MMP26: variants seen among roughly 807,000 people sequenced by gnomAD.
The protein encoded by MMP26 is matrix metalloproteinase-26.
A neutral mutation model predicts 31.0 loss-of-function variants in MMP26; 33 were observed. The observed-to-expected ratio is 1.06, with a 90% CI of 0.81 to 1.42. The LOEUF (loss-of-function observed/expected upper bound fraction) is 1.42. MMP26 is among the 40% of genes most tolerant of loss of function. MMP26 has a pLI of 0.00. For synonymous variants in MMP26, 122 were observed against 114.9 expected (o/e 1.06, Z -0.40); for missense variants, 347 against 316.1 (o/e 1.10, Z -0.74).
intron 2 of MMP26, among the ~76,000 whole-genome samples, chr11:4,920,526 A>G (rs544319522): frequency 6.6e-6 from 1 of 152,234 alleles, no homozygotes; most frequent in Non-Finnish European, 1.5e-5. Flanking sequence ...ATACTCTGAC[A>G]TGAGGCCCCA....
Position 4,976,812 on chromosome 11 carries a change from T to C in MMP26, c.-144-11256T>C, listed in dbSNP as rs368143856. Among the ~76,000 whole-genome samples the C allele has an allele frequency of 1.4e-4, 21 of 152,166 alleles. No homozygotes were observed. In the East Asian group the frequency reaches 3.7e-3, roughly 27 times the overall value. On this transcript the variant is annotated intron_variant, in intron 2 of 7. Coordinates refer to ENST00000380390, the MANE Select transcript of MMP26 (RefSeq NM_021801.5). ...GAAGGTTAACATCCTATGAGACCTATTCTTCTTTATTCAACAGAATTGATT... is the reference window on the plus strand; with the variant it reads ...GAAGGTTAACATCCTATGAGACCTACTCTTCTTTATTCAACAGAATTGATT...
intron 2 of MMP26, chr11:4,907,592 C>T: frequency 6.2e-7 from 1 of 1,613,940 alleles, no homozygotes; most frequent in Non-Finnish European, 8.5e-7. Flanking sequence ...GGGCCTGTCC[C>T]TCTCCTCCCT....
chr11:4,716,430 G>A (rs952542199), intron 1 of MMP26, among the ~76,000 whole-genome samples: 1 of 152,110 alleles, frequency 6.6e-6, no homozygotes, highest in Non-Finnish European at 1.5e-5. Context: ...GAATCATGAG[G>A]GAGGGAAATG....
chr11:4,835,716 A>G (rs1186013826), intron 2 of MMP26, among the ~76,000 whole-genome samples: 1 of 152,168 alleles, frequency 6.6e-6, no homozygotes, highest in African/African-American at 2.4e-5. Flanking sequence ...ATACAGGACC[A>G]TTCAAAGGTG....
At chr11:4,882,298 C>T (rs768616687) in intron 2 of MMP26, 1 of 1,614,004 alleles carries the variant, frequency 6.2e-7, no homozygotes. Context: ...ACCCACTGAA[C>T]TATGCTACTA....
intron 2 of MMP26, among the ~76,000 whole-genome samples, chr11:4,849,714 C>T (rs999311095): frequency 1.3e-5 from 2 of 152,046 alleles, no homozygotes; most frequent in Non-Finnish European, 2.9e-5. Flanking sequence ...TTTTTCTAAG[C>T]TTGATTTATT....
At chr11:4,898,197 C>T (rs770691086) in intron 2 of MMP26, among the ~76,000 whole-genome samples, 1 of 151,820 alleles carries the variant, frequency 6.6e-6, no homozygotes, top group Non-Finnish European at 1.5e-5. Context: ...ATTTTGAATT[C>T]CAGGTTGACA....
chr11:4,867,449 G>C (rs1012734182), intron 2 of MMP26, among the ~76,000 whole-genome samples: 1 of 138,898 alleles, frequency 7.2e-6, no homozygotes, highest in African/African-American at 2.7e-5. Context: ...GGAGTGCAGT[G>C]ATGCAATCTG....
intron 2 of MMP26, among the ~76,000 whole-genome samples, chr11:4,927,931 G>T (rs1026921777): frequency 9.2e-5 from 14 of 151,994 alleles, no homozygotes; most frequent in African/African-American, 3.4e-4. Flanking sequence ...TGTGGGCAAG[G>T]GATACTAAAT....
intron 2 of MMP26, among the ~76,000 whole-genome samples, chr11:4,785,956 C>T (rs188387082): frequency 1.3e-4 from 20 of 152,314 alleles, no homozygotes; most frequent in African/African-American, 4.8e-4. Context: ...AAATCTTACT[C>T]AGATGACAAT....
At chr11:4,777,150 C>T (rs1237654661) in intron 2 of MMP26, among the ~76,000 whole-genome samples, 1 of 152,110 alleles carries the variant, frequency 6.6e-6, no homozygotes, top group Middle Eastern at 3.2e-3. Context: ...TCTCAGTTTC[C>T]TCAGACATGA....
At chr11:4,733,751 T>G (rs72868705) in intron 1 of MMP26, among the ~76,000 whole-genome samples, 1 of 152,328 alleles carries the variant, frequency 6.6e-6, no homozygotes, top group Non-Finnish European at 1.5e-5. Flanking sequence ...TCCTTGTCTT[T>G]TTCATTATAT....
At position 4,822,141 on chromosome 11, in the gene MMP26, C is replaced by G. The variant is rs1220332388; in HGVS notation, c.-145+54800C>G. 4 of 1,613,690 alleles carry G rather than the reference C, an allele frequency of 2.5e-6. No homozygotes were observed. The South Asian group carries it at 4.4e-5, about 18-fold the overall frequency. On this transcript the variant is annotated intron_variant, in intron 2 of 7. Transcript: ENST00000380390. Reference sequence around the variant, plus strand: ...CCTCAGAAGAGAGGCGGAAAGCCTTCAACACCTGCACATCCCACATCAGTG... The same window carrying G: ...CCTCAGAAGAGAGGCGGAAAGCCTTGAACACCTGCACATCCCACATCAGTG...
At chr11:4,930,672 A>C (rs1412897188) in intron 2 of MMP26, among the ~76,000 whole-genome samples, 2 of 152,108 alleles carry the variant, frequency 1.3e-5, no homozygotes, top group African/African-American at 4.8e-5. Context: ...ATTTAGATTT[A>C]ATATTTTTAG....
rs375053567 is a variant in MMP26, at chr11:4,989,749, C to A, written c.201C>A (p.Asp67Glu). Residue 67 changes from aspartate (D) to glutamate (E), a missense_variant, in exon 4 of 8, where the codon GAC (aspartate) becomes GAA (glutamate). By Grantham distance (45) the Asp-to-Glu change is conservative. Transcript: ENST00000380390. ...AACAATTCCATCGGAATGGGACAGA[C>A]CTACTTGACATGCAGATGCATGCTC... ...LLQQFHRNGT[D>E]LLDMQMHALL... 1.9e-6 allele frequency: 3 copies of A among 1,613,932 alleles called. No individual in the cohort carries two copies. The African/African-American group carries it at 4.0e-5, about 22-fold the overall frequency.
At chr11:4,908,502 T>C (rs1564804981) in intron 2 of MMP26, 1 of 607,846 alleles carries the variant, frequency 1.6e-6, no homozygotes, top group Non-Finnish European at 2.9e-6. Context: ...ATATAAGATA[T>C]AGAGGTTTAA....
intron 2 of MMP26, chr11:4,924,303 T>C (rs764101160): frequency 2.0e-5 from 32 of 1,612,554 alleles, no homozygotes; most frequent in Non-Finnish European, 2.7e-5. Context: ...AGGAAGAAAG[T>C]GGCTCTTTGG....
chr11:4,832,880 C>T (rs144180313), intron 2 of MMP26: 11 of 196,700 alleles, frequency 5.6e-5, no homozygotes, highest in East Asian at 4.7e-4. Flanking sequence ...GTGCTGTACT[C>T]GTCTTCTATG....
chr11:4,886,556 A>G (rs957448035), intron 2 of MMP26, among the ~76,000 whole-genome samples: 4 of 151,866 alleles, frequency 2.6e-5, no homozygotes, highest in African/African-American at 4.8e-5. Context: ...TTGTTTTTCA[A>G]TAAATACATG....
Sources: allele counts gnomAD v4.1 joint callset (sites outside exome capture counted in the v4.1 genomes callset), GRCh38; gene constraint gnomAD v4.1.1; transcripts MANE v1.5; gene names NCBI Gene and HGNC (gene_info 2026-07-23, HGNC 2026-07-21).